The following CASK variants were observed in gnomAD, a reference collection of about 807,000 sequenced individuals.
CASK encodes the protein peripheral plasma membrane protein CASK.
Under a neutral mutation model 82.9 loss-of-function variants are expected in CASK, and 4 were observed. That is an observed-to-expected ratio of 0.05 (90% CI 0.02 to 0.11). CASK has a LOEUF of 0.11. Among genes scored for constraint, CASK ranks in the 10% least tolerant of loss-of-function variants. The pLI, the probability that CASK is intolerant of heterozygous loss-of-function variation, is 1.00. For missense variants in CASK, 358 were observed against 720.9 expected (o/e 0.50, Z 5.76); for synonymous variants, 259 against 253.5 (o/e 1.02, Z -0.20).
chrX:41,764,772 G>A (rs2069077726), intron 3 of CASK, among the ~76,000 whole-genome samples: 1 of 111,336 alleles, frequency 9.0e-6, no homozygotes, highest in African/African-American at 3.3e-5. Flanking sequence ...ATATCCAAAT[G>A]TGTTCCTTCC....
At chrX:41,784,358 GT>G (rs1392813641) in intron 3 of CASK, among the ~76,000 whole-genome samples, 1 of 112,270 alleles carries the variant, frequency 8.9e-6, no homozygotes, top group Non-Finnish European at 1.9e-5. Context: ...ATGGTAAGCT[GT>G]TTAAGAATTC....
Position 41,732,330 on chromosome X carries a change from T to C in CASK, c.429+7054A>G, listed in dbSNP as rs1043221999. On this transcript the variant is annotated intron_variant, in intron 5 of 26. Coordinates refer to ENST00000378163, the MANE Select transcript of CASK (RefSeq NM_001367721.1). ...TAGACAAAATTTAGGATAAACAACT[T>C]AACAGGGAAGTAAGTTTCTACTCCC... 2.7e-5 allele frequency among the ~76,000 whole-genome samples: 3 copies of C among 111,151 alleles called. No individual in the cohort carries two copies. The East Asian group carries it at 8.5e-4, about 31-fold the overall frequency.
intron 12 of CASK, among the ~76,000 whole-genome samples, chrX:41,597,834 A>T (rs1394751850): frequency 2.7e-5 from 3 of 111,207 alleles, no homozygotes; most frequent in African/African-American, 9.8e-5. Flanking sequence ...TTTCTTGCTC[A>T]AGTTTACATA....
intron 5 of CASK, among the ~76,000 whole-genome samples, chrX:41,679,837 G>A (rs1407882314): frequency 8.9e-6 from 1 of 111,748 alleles, no homozygotes; most frequent in African/African-American, 3.3e-5. Context: ...GGCTTGTCAT[G>A]TCCATTTCTT....
chrX:41,853,509 T>C (rs1165639303), intron 1 of CASK, among the ~76,000 whole-genome samples: 4 of 112,301 alleles, frequency 3.6e-5, no homozygotes, highest in Non-Finnish European at 1.9e-5. Context: ...AGTAGTCTTA[T>C]GCTCAAGGCA....
At chrX:41,722,483 T>C (rs963932263) in intron 5 of CASK, among the ~76,000 whole-genome samples, 1 of 112,819 alleles carries the variant, frequency 8.9e-6, no homozygotes, top group African/African-American at 3.2e-5. Context: ...GGGCAACTTA[T>C]GAGATCTTTC....
intron 1 of CASK, among the ~76,000 whole-genome samples, chrX:41,906,177 T>G (rs1047801867): frequency 8.9e-6 from 1 of 112,109 alleles, no homozygotes; most frequent in Non-Finnish European, 1.9e-5. Flanking sequence ...AGTCACTTCT[T>G]CCCCTTGTTT....
intron 1 of CASK, among the ~76,000 whole-genome samples, chrX:41,856,589 A>G (rs2071374294): frequency 9.0e-6 from 1 of 110,950 alleles, no homozygotes; most frequent in African/African-American, 3.3e-5. Flanking sequence ...CCGCTCCCTC[A>G]TCCCAACAGG....
intron 1 of CASK, among the ~76,000 whole-genome samples, chrX:41,919,031 G>A (rs1199631656): frequency 8.9e-6 from 1 of 111,929 alleles, no homozygotes; most frequent in Non-Finnish European, 1.9e-5. Flanking sequence ...GACAATAATT[G>A]CTCTGAGGTT....
At chrX:41,845,311 C>CT (rs1240542138) in intron 2 of CASK, among the ~76,000 whole-genome samples, 2 of 111,661 alleles carry the variant, frequency 1.8e-5, no homozygotes, top group African/African-American at 6.5e-5. Flanking sequence ...GCTGAATTCT[C>CT]TATTTCTCCC....
At position 41,688,107 on chromosome X, in the gene CASK, G is replaced by A. The variant is rs188910528; in HGVS notation, c.430-16577C>T. 2.7e-3 allele frequency among the ~76,000 whole-genome samples: 301 copies of A among 110,553 alleles called. 1 individual carries two copies. The highest frequency in any genetic ancestry group is 9.3e-3 in the African/African-American group (282 of 30,401). On this transcript the variant is annotated intron_variant, in intron 5 of 26. Coordinates refer to ENST00000378163, the MANE Select transcript of CASK (RefSeq NM_001367721.1). ...TCCTTCTCAGAGGTTCTAAGGGGAA[G>A]TAAGAGCTACAAAACATTTTTATTC...
chrX:41,868,773 TAAC>T (rs1391622279), intron 1 of CASK, among the ~76,000 whole-genome samples: 1 of 111,364 alleles, frequency 9.0e-6, no homozygotes, highest in Non-Finnish European at 1.9e-5. Context: ...GTACAGGAAA[TAAC>T]AAGGCATAAA....
At chrX:41,886,623 A>G (rs997967281) in intron 1 of CASK, among the ~76,000 whole-genome samples, 1 of 112,205 alleles carries the variant, frequency 8.9e-6, no homozygotes, top group Admixed American at 9.5e-5. Context: ...AGTTTTAAAA[A>G]TAAACACATA....
At chrX:41,535,014 T>C (rs2064856316) in intron 22 of CASK, 41 bp from the exon 23 acceptor site, 1 of 850,827 alleles carries the variant, frequency 1.2e-6, no homozygotes, top group Non-Finnish European at 1.7e-6. Context: ...ATTTGTAGAA[T>C]GACTATTTCA....
chrX:41,651,937 T>C (rs2066871124), intron 8 of CASK, among the ~76,000 whole-genome samples: 1 of 111,245 alleles, frequency 9.0e-6, no homozygotes, highest in Non-Finnish European at 1.9e-5. Context: ...CATATAGGTA[T>C]GTCTTAGGGT....
At position 41,612,283 on chromosome X, in the gene CASK, T is replaced by A. The variant is rs1256756816; in HGVS notation, c.1034-2258A>T. ...CGTCTCTGCCTGGCCGCCCATCGTC[T>A]GAGATGTGGGGAGCGCCTCTGCCCC... On this transcript the variant is annotated intron_variant, in intron 11 of 26. Transcript: ENST00000378163. Among the ~76,000 whole-genome samples, 5 of 104,086 alleles carry A rather than the reference T, an allele frequency of 4.8e-5. No homozygotes were observed. The East Asian group carries it at 9.4e-4, about 20-fold the overall frequency. 90.4% of individuals were successfully genotyped at this position (104,086 alleles called of 115,157 possible). A position where few individuals can be genotyped will look rare whatever the true frequency, so the allele number is the denominator to read the frequency against.
At chrX:41,748,583 G>T in intron 3 of CASK, 1 of 208,862 alleles carries the variant, frequency 4.8e-6, no homozygotes, top group Non-Finnish European at 8.9e-6. Flanking sequence ...CATATAGGAG[G>T]GAAAATCCTG....
intron 6 of CASK, among the ~76,000 whole-genome samples, chrX:41,668,925 C>T (rs902902510): frequency 1.8e-5 from 2 of 110,052 alleles, no homozygotes; most frequent in East Asian, 2.9e-4. Context: ...AATGGGGTTT[C>T]GCCATGTTGC....
chrX:41,747,801 C>T (rs1223982745), intron 3 of CASK, among the ~76,000 whole-genome samples: 1 of 112,509 alleles, frequency 8.9e-6, no homozygotes, highest in Non-Finnish European at 1.9e-5. Context: ...TATACTCCCA[C>T]TACCATGTGT....
Sources: allele counts gnomAD v4.1 joint callset (sites outside exome capture counted in the v4.1 genomes callset), GRCh38; gene constraint gnomAD v4.1.1; transcripts MANE v1.5; gene names NCBI Gene and HGNC (gene_info 2026-07-23, HGNC 2026-07-21).